The following COL5A1 variants were observed in gnomAD, a reference collection of about 807,000 sequenced individuals.
COL5A1 encodes the protein collagen alpha-1(V) chain.
In COL5A1, 16 loss-of-function variants were observed where a neutral mutation model predicts 263.7. That is an observed-to-expected ratio of 0.06 (90% CI 0.04 to 0.09). The LOEUF is 0.09. Ranked by LOEUF, COL5A1 falls within the 10% of genes least tolerant of loss-of-function variation. COL5A1 has a pLI of 1.00. For missense variants in COL5A1, 2,036 were observed against 2,540.5 expected, an observed-to-expected ratio of 0.80 and a Z score of 4.27; for synonymous variants, 1,012 against 1,004.5, an observed-to-expected ratio of 1.01 and a Z score of -0.14.
intron 49 of COL5A1, among the ~76,000 whole-genome samples, chr9:134,814,274 C>A (rs752576292): frequency 3.3e-5 from 5 of 152,216 alleles, no homozygotes; most frequent in Non-Finnish European, 5.9e-5. Flanking sequence ...TAACTCTACC[C>A]TCTGTAGTGT....
chr9:134,762,184 G>A (rs967121544), intron 19 of COL5A1, among the ~76,000 whole-genome samples: 2 of 152,224 alleles, frequency 1.3e-5, no homozygotes, highest in African/African-American at 4.8e-5. Context: ...GACCCTGACT[G>A]CAACGTTTAG....
rs1025355259 is a variant in COL5A1, at chr9:134,681,567, C to T, written c.110-9345C>T. On this transcript the variant is annotated intron_variant, in intron 1 of 65. Transcript: ENST00000371817. The surrounding 1 kb of genome is among the most constrained non-coding windows in gnomAD (Gnocchi z 4.3). ...TGCCTGTGGTTTCGGGAGCCTGTCA[C>T]TGGCTCCAGAGTGGAATAGCGCTTG... 1.3e-5 allele frequency among the ~76,000 whole-genome samples: 2 copies of T among 152,182 alleles called. No homozygotes were observed. Among genetic ancestry groups the T allele is most frequent in the African/African-American group, 4.8e-5 (2 of 41,450 alleles).
chr9:134,759,978 C>A lies in COL5A1; in HGVS notation c.1935+1682C>A, dbSNP rs1461015299. On this transcript the variant is annotated intron_variant, in intron 18 of 65. Coordinates refer to ENST00000371817, the MANE Select transcript of COL5A1 (RefSeq NM_000093.5). Reference sequence around the variant, plus strand: ...CCCCACACTCATGCACACATGCACACACATGCACACCCACACACCCCACAC... The same window carrying A: ...CCCCACACTCATGCACACATGCACAAACATGCACACCCACACACCCCACAC... Among the ~76,000 whole-genome samples the A allele has an allele frequency of 3.1e-5, 4 of 130,684 alleles. No individual in the cohort carries two copies. In the South Asian group the frequency reaches 1.1e-3, roughly 35 times the overall value. The allele number at this position is 130,684 out of a possible 152,430, so 85.7% of individuals were successfully genotyped here.
At chr9:134,796,226 T>C (rs910075915) in intron 34 of COL5A1, 148 bp from the exon 35 acceptor site, 2 of 850,228 alleles carry the variant, frequency 2.4e-6, no homozygotes, top group African/African-American at 3.3e-5. Context: ...CGCCAATGCC[T>C]TCTGCCCCTT....
intron 1 of COL5A1, among the ~76,000 whole-genome samples, chr9:134,649,736 A>G (rs771743147): frequency 7.2e-5 from 11 of 152,228 alleles, no homozygotes; most frequent in Non-Finnish European, 1.6e-4. Context: ...ATGCACACGT[A>G]TGTTTATTGC....
In COL5A1 at chr9:134,762,020, A is replaced by G. The variant is rs747315936; in HGVS notation, c.1989+42A>G. 7 of 1,600,340 alleles carry G rather than the reference A, an allele frequency of 4.4e-6. No homozygotes were observed. In the East Asian group the frequency reaches 1.1e-4, roughly 26 times the overall value. On this transcript the variant is annotated intron_variant, in intron 19 of 65. Coordinates refer to ENST00000371817, the MANE Select transcript of COL5A1 (RefSeq NM_000093.5). ...CCCTCCGACTGCTCCTGCCTGCCCT[A>G]CTCCTCAGTGATTTGGGCAGGAAAA...
At chr9:134,808,905 C>T (rs1838404149) in intron 42 of COL5A1, 2 of 526,728 alleles carry the variant, frequency 3.8e-6, no homozygotes, top group Admixed American at 3.2e-5. Flanking sequence ...GTCTCTACTG[C>T]TCACTAACTG....
At position 134,753,908 on chromosome 9, in the gene COL5A1, G is replaced by T; in HGVS notation, c.1773+5G>T. The T allele has an allele frequency of 6.2e-7, 1 of 1,613,610 alleles. No homozygotes were observed. The highest frequency in any genetic ancestry group is 8.5e-7 in the Non-Finnish European group (1 of 1,179,648). ...CCGGGAGACGTGGGGCCTCAGGTATGTGGGATCCTTGCCTTCGCTGTCTGG... is the reference window on the plus strand; with the variant it reads ...CCGGGAGACGTGGGGCCTCAGGTATTTGGGATCCTTGCCTTCGCTGTCTGG... On this transcript the variant is annotated splice_donor_5th_base_variant and intron_variant, in intron 15 of 65. Transcript: ENST00000371817.
intron 44 of COL5A1, 84 bp from the exon 45 acceptor site, chr9:134,811,255 C>T (rs1838510544): frequency 2.3e-6 from 3 of 1,284,228 alleles, no homozygotes; most frequent in South Asian, 2.4e-5. Flanking sequence ...GCATCAGTCC[C>T]CGGGCTCAGG....
At chr9:134,748,805 A>G (rs1235326506) in intron 11 of COL5A1, among the ~76,000 whole-genome samples, 5 of 152,234 alleles carry the variant, frequency 3.3e-5, no homozygotes, top group East Asian at 1.9e-4. Flanking sequence ...GAACCAATCC[A>G]ACGTGCATCG....
chr9:134,722,919 G>C (rs1044192956), intron 4 of COL5A1, among the ~76,000 whole-genome samples: 2 of 152,158 alleles, frequency 1.3e-5, no homozygotes, highest in African/African-American at 2.4e-5. Context: ...GTGTCGGGGA[G>C]GGAAGGTGTG....
intron 39 of COL5A1, among the ~76,000 whole-genome samples, chr9:134,804,377 T>G (rs1171411763): frequency 1.3e-5 from 2 of 152,158 alleles, no homozygotes; most frequent in African/African-American, 4.8e-5. Context: ...TGACTTTTTT[T>G]CAGAAAATGT....
At chr9:134,721,707 A>G (rs1834466502) in intron 4 of COL5A1, among the ~76,000 whole-genome samples, 1 of 152,236 alleles carries the variant, frequency 6.6e-6, no homozygotes, top group Non-Finnish European at 1.5e-5. Context: ...AAGGTGGCAC[A>G]GAAGGAGCGC....
chr9:134,784,966 A>C, intron 29 of COL5A1, 23 bp from the exon 30 acceptor site: 1 of 1,477,256 alleles, frequency 6.8e-7, no homozygotes, highest in Non-Finnish European at 9.4e-7. Context: ...TGGTCTTCTC[A>C]CCTCCTCTTT....
Position 134,814,961 on chromosome 9 carries a change from G to A in COL5A1, c.4014+57G>A, listed in dbSNP as rs564319065. ...GCAGCAGGGGCGGGGCTCTGCACTG[G>A]GATCATTCTGACTCACTGGCGGTGC... On this transcript the variant is annotated intron_variant, in intron 50 of 65. Coordinates refer to ENST00000371817, the MANE Select transcript of COL5A1 (RefSeq NM_000093.5). 362 of 1,239,000 alleles carry A rather than the reference G, an allele frequency of 2.9e-4. 1 individual carries two copies. The African/African-American group carries it at 4.8e-3, about 17-fold the overall frequency. 76.8% of individuals were successfully genotyped at this position (1,239,000 alleles called of 1,614,324 possible). A position where few individuals can be genotyped will look rare whatever the true frequency, so the allele number is the denominator to read the frequency against.
rs1837196788 is a variant in COL5A1 at position 134,780,109 on chromosome 9, A to G, written c.2393A>G (p.Asp798Gly). 2 of 1,613,318 alleles carry G rather than the reference A, an allele frequency of 1.2e-6. No individual in the cohort carries two copies. Among genetic ancestry groups the G allele is most frequent in the East Asian group, 4.5e-5 (2 of 44,892 alleles). ...CTTTTCCCACCCGCACAGGGGGCCG[A>G]TGGCATCCGTGGTCTGAAGGGCACA... is the stretch of plus-strand genomic sequence containing the variant. The part of the protein sequence containing the change: ...YPGPRGVKGA[D>G]GIRGLKGTKG... Residue 798 changes from aspartate to glycine, a missense_variant, in exon 28 of 66, where the codon GAT becomes GGT. This residue lies in a region of COL5A1 where 1,078 missense variants were observed against 1,521.4 expected (regional missense o/e 0.71). Transcript: ENST00000371817.
chr9:134,836,561 C>T (rs914202888), intron 65 of COL5A1, among the ~76,000 whole-genome samples: 5 of 152,222 alleles, frequency 3.3e-5, no homozygotes, highest in Non-Finnish European at 7.3e-5. Context: ...TTCTGAGCAA[C>T]ACGGATGGGT....
rs771227258 is a variant in COL5A1, at chr9:134,834,863, C to T, written c.5137-108C>T. ...GGGTACAGTGCGTTTCCAGGTAGTT[C>T]CCCCGAGAAGACCACAGTGTGAGTG... On this transcript the variant is annotated intron_variant, in intron 64 of 65. Coordinates refer to ENST00000371817, the MANE Select transcript of COL5A1 (RefSeq NM_000093.5). 34 of 807,562 alleles carry T rather than the reference C, an allele frequency of 4.2e-5. No homozygotes were observed. The Admixed American group carries it at 5.5e-4, about 13-fold the overall frequency. 50.0% of individuals were successfully genotyped at this position (807,562 alleles called of 1,614,324 possible). A position where few individuals can be genotyped will look rare whatever the true frequency, so the allele number is the denominator to read the frequency against.
intron 1 of COL5A1, among the ~76,000 whole-genome samples, chr9:134,650,122 T>C (rs984139148): frequency 6.6e-6 from 1 of 152,148 alleles, no homozygotes; most frequent in Non-Finnish European, 1.5e-5. Flanking sequence ...CACCATGGCA[T>C]GTGTATACCT....
Sources: gnomAD v4.1 joint callset for allele counts (sites outside exome capture counted in the v4.1 genomes callset) on GRCh38, gnomAD v4.1.1 for gene constraint, gnomAD v4.1.1 regional missense constraint, Gnocchi (gnomAD v3.1) non-coding constraint, MANE v1.5 for transcripts, NCBI Gene and HGNC (gene_info 2026-07-23, HGNC 2026-07-21) for gene names.